CPNE4: variants seen among roughly 807,000 people sequenced by gnomAD.
CPNE4 encodes the protein copine-4.
Under a neutral mutation model 67.9 loss-of-function variants are expected in CPNE4, and 25 were observed. The ratio of observed to expected loss-of-function variants is 0.37; its 90% CI spans 0.27 to 0.51. The LOEUF (loss-of-function observed/expected upper bound fraction) is 0.51. CPNE4 is among the 20% of genes least tolerant of loss of function. The probability of loss-of-function intolerance (pLI) is 0.93; values close to 1 mark genes in which losing one functional copy is unlikely to be tolerated. For synonymous variants in CPNE4, 242 were observed against 244.9 expected (o/e 0.99, Z 0.11); for missense variants, 464 against 690.8 (o/e 0.67, Z 3.68).
intron 7 of CPNE4, among the ~76,000 whole-genome samples, chr3:131,652,123 G>A (rs536055568): frequency 5.3e-5 from 8 of 152,214 alleles, no homozygotes; most frequent in Non-Finnish European, 8.8e-5. Context: ...GAAATTAGGT[G>A]CGGCTGCTAA....
intron 1 of CPNE4, among the ~76,000 whole-genome samples, chr3:131,909,998 CA>C (rs2088917920): frequency 6.6e-6 from 1 of 151,998 alleles, no homozygotes; most frequent in Non-Finnish European, 1.5e-5. Context: ...TGGGCATAAT[CA>C]AATAAATATT....
intron 1 of CPNE4, among the ~76,000 whole-genome samples, chr3:131,991,331 A>T (rs1419178683): frequency 7.3e-6 from 1 of 136,354 alleles, no homozygotes; most frequent in African/African-American, 2.5e-5. Context: ...AACTTCCTGG[A>T]GACTTGTTGA....
chr3:131,882,866 G>A (rs9840259), intron 2 of CPNE4, among the ~76,000 whole-genome samples: 43,667 of 151,484 alleles, frequency 0.29, 7,351 homozygotes, highest in Non-Finnish European at 0.37. Context: ...ACAGGCACCC[G>A]CCACCACACC....
At chr3:131,812,077 C>T (rs1169137877) in intron 2 of CPNE4, among the ~76,000 whole-genome samples, 1 of 152,038 alleles carries the variant, frequency 6.6e-6, no homozygotes, top group Admixed American at 6.6e-5. Context: ...TGCCTGTCTT[C>T]AGGTCCATAA....
At chr3:131,891,587 C>G (rs995527179) in intron 2 of CPNE4, among the ~76,000 whole-genome samples, 2 of 151,998 alleles carry the variant, frequency 1.3e-5, no homozygotes, top group African/African-American at 4.8e-5. Flanking sequence ...CTTTCACCCT[C>G]CAATAGCCCC....
At chr3:131,608,033 T>G (rs150154905) in intron 7 of CPNE4, among the ~76,000 whole-genome samples, 1 of 152,196 alleles carries the variant, frequency 6.6e-6, no homozygotes, top group Non-Finnish European at 1.5e-5. Flanking sequence ...TATACAATCT[T>G]CCCCAACTTA....
chr3:131,603,953 G>C (rs1939357102), intron 7 of CPNE4, among the ~76,000 whole-genome samples: 1 of 152,042 alleles, frequency 6.6e-6, no homozygotes, highest in South Asian at 2.1e-4. Flanking sequence ...TTAAATTCTT[G>C]TCCTATTCTT....
intron 5 of CPNE4, among the ~76,000 whole-genome samples, chr3:131,687,098 AG>A: frequency 6.7e-6 from 1 of 149,718 alleles, no homozygotes; most frequent in East Asian, 2.0e-4. Context: ...TCTTCTGTCC[AG>A]TTTCTTGGCC....
chr3:131,968,477 T>C (rs1337856480), intron 1 of CPNE4, among the ~76,000 whole-genome samples: 2 of 152,148 alleles, frequency 1.3e-5, no homozygotes, highest in Non-Finnish European at 1.5e-5. Context: ...AGGTCTAATA[T>C]CCAGAATCTA....
intron 1 of CPNE4, among the ~76,000 whole-genome samples, chr3:131,917,560 GCTCT>G (rs113280712): frequency 3.4e-4 from 51 of 148,554 alleles, no homozygotes; most frequent in Non-Finnish European, 3.1e-4. Flanking sequence ...ATATGTTCTT[GCTCT>G]CTCTCTCTCT....
At chr3:131,923,863 G>A (rs977338116) in intron 1 of CPNE4, among the ~76,000 whole-genome samples, 1 of 151,836 alleles carries the variant, frequency 6.6e-6, no homozygotes, top group Non-Finnish European at 1.5e-5. Flanking sequence ...CCACCCCAAG[G>A]TTTTCTTTCT....
intron 1 of CPNE4, among the ~76,000 whole-genome samples, chr3:131,966,024 C>A (rs1416054635): frequency 6.6e-6 from 1 of 152,220 alleles, no homozygotes; most frequent in East Asian, 1.9e-4. Flanking sequence ...CAAACAGTCT[C>A]TCAGACCACA....
chr3:131,948,282 T>C (rs1476964889), intron 1 of CPNE4, among the ~76,000 whole-genome samples: 2 of 152,152 alleles, frequency 1.3e-5, no homozygotes, highest in East Asian at 3.9e-4. Flanking sequence ...CTTGTGATAG[T>C]GAGTTCTCAG....
At chr3:131,613,777 T>C (rs530243834) in intron 7 of CPNE4, among the ~76,000 whole-genome samples, 18 of 152,266 alleles carry the variant, frequency 1.2e-4, no homozygotes, top group Admixed American at 1.2e-3. Flanking sequence ...CCTTTGTGTC[T>C]TTCTGGTCAT....
At chr3:131,541,536 C>T (rs971038095) in intron 15 of CPNE4, among the ~76,000 whole-genome samples, 14 of 150,172 alleles carry the variant, frequency 9.3e-5, no homozygotes, top group East Asian at 3.9e-4. Context: ...TGATAGCAGG[C>T]GATTTCTGGC....
chr3:131,589,542 C>A (rs1173015347), intron 7 of CPNE4, among the ~76,000 whole-genome samples: 4 of 152,200 alleles, frequency 2.6e-5, no homozygotes, highest in Non-Finnish European at 5.9e-5. Context: ...TCTCCTCTGG[C>A]AATACCCTCA....
chr3:131,883,989 T>C (rs1422993363), intron 2 of CPNE4, among the ~76,000 whole-genome samples: 1 of 150,560 alleles, frequency 6.6e-6, no homozygotes, highest in African/African-American at 2.4e-5. Flanking sequence ...AAGTTTTTCT[T>C]GGTCATAATT....
chr3:131,937,976 A>G, intron 1 of CPNE4, among the ~76,000 whole-genome samples: 1 of 152,270 alleles, frequency 6.6e-6, no homozygotes, highest in East Asian at 1.9e-4. Context: ...AGGGTATTAA[A>G]TTAATTTATA....
chr3:131,774,588 T>TTAAACCCAGGCC (rs1560284296), intron 2 of CPNE4, among the ~76,000 whole-genome samples: 10 of 151,970 alleles, frequency 6.6e-5, no homozygotes, highest in Admixed American at 6.6e-4. Flanking sequence ...AGAGAGGAAA[T>TTAAACCCAGGCC]TTAAACCCAG....
Sources: allele counts gnomAD v4.1 joint callset (sites outside exome capture counted in the v4.1 genomes callset), GRCh38; gene constraint gnomAD v4.1.1; transcripts MANE v1.5; gene names NCBI Gene and HGNC (gene_info 2026-07-23, HGNC 2026-07-21).